Variants in LTBP1 observed in about 807,000 individuals in gnomAD.
LTBP1 encodes latent-transforming growth factor beta-binding protein 1.
LTBP1 carries 129 observed loss-of-function variants against 207.6 expected under a neutral mutation model. The observed-to-expected ratio is 0.62, with a 90% CI of 0.54 to 0.72. The LOEUF (loss-of-function observed/expected upper bound fraction) is 0.72, where lower values mean the gene tolerates loss of function less well. Among genes scored for constraint, LTBP1 ranks in the 30% least tolerant of loss-of-function variants. The probability of loss-of-function intolerance (pLI) is 0.00; values close to 1 mark genes in which losing one functional copy is unlikely to be tolerated. For synonymous variants in LTBP1, 963 were observed against 833.7 expected (o/e 1.16, Z -2.67); for missense variants, 2,281 against 2,217.2 (o/e 1.03, Z -0.58).
chr2:33,189,018 A>G (rs2087532519), intron 7 of LTBP1, among the ~76,000 whole-genome samples, 167 bp downstream of exon 7: 1 of 152,192 alleles, frequency 6.6e-6, no homozygotes, highest in Non-Finnish European at 1.5e-5. Flanking sequence ...ACTCATAGCC[A>G]CACTTATTCA....
chr2:33,166,328 A>G (rs2084917213), intron 5 of LTBP1, among the ~76,000 whole-genome samples: 2 of 152,206 alleles, frequency 1.3e-5, no homozygotes, highest in Admixed American at 6.5e-5. Flanking sequence ...GAGGAATACT[A>G]GGGAAAAGTT....
At chr2:33,005,622 T>G (rs748605649) in intron 2 of LTBP1, among the ~76,000 whole-genome samples, 7 of 139,824 alleles carry the variant, frequency 5.0e-5, no homozygotes, top group Non-Finnish European at 7.6e-5. Context: ...TTTGAGACAG[T>G]GTGTTTCTGG....
intron 3 of LTBP1, among the ~76,000 whole-genome samples, chr2:33,056,924 G>A (rs1210524800): frequency 1.3e-5 from 2 of 152,072 alleles, no homozygotes; most frequent in Non-Finnish European, 2.9e-5. Flanking sequence ...GAGCCAGTTG[G>A]TCTGTTTTAC....
At chr2:33,279,391 C>T (rs1366411057) in intron 18 of LTBP1, among the ~76,000 whole-genome samples, 1 of 152,004 alleles carries the variant, frequency 6.6e-6, no homozygotes, top group African/African-American at 2.4e-5. Flanking sequence ...TTAATGACTT[C>T]AGTTAGCTAT....
At chr2:33,392,658 G>A (rs1185696575) in intron 32 of LTBP1, among the ~76,000 whole-genome samples, 1 of 152,186 alleles carries the variant, frequency 6.6e-6, no homozygotes, top group East Asian at 1.9e-4. Context: ...GTAGTGTCCT[G>A]ACCTGTTTTA....
In LTBP1 at chr2:33,032,153, T is replaced by C. The variant is rs1158905791; in HGVS notation, c.863+10947T>C. On this transcript the variant is annotated intron_variant, in intron 3 of 33. Coordinates refer to ENST00000404816, the MANE Select transcript of LTBP1 (RefSeq NM_206943.4). Reference sequence around the variant, plus strand: ...TCTACCTATGTTAAATGGAATGATATGTAATCTTATCCTCTTTAGGAACAG... The same window carrying C: ...TCTACCTATGTTAAATGGAATGATACGTAATCTTATCCTCTTTAGGAACAG... Among the ~76,000 whole-genome samples the C allele has an allele frequency of 3.3e-5, 5 of 152,216 alleles. No individual in the cohort carries two copies. In the East Asian group the frequency reaches 9.6e-4, roughly 29 times the overall value.
intron 24 of LTBP1, among the ~76,000 whole-genome samples, chr2:33,341,090 T>A (rs58044479): frequency 0.6 from 90,589 of 151,526 alleles, 28,288 homozygotes; most frequent in African/African-American, 0.78. Context: ...TTTCTCCAAA[T>A]CTTACATTTT....
intron 31 of LTBP1, among the ~76,000 whole-genome samples, chr2:33,388,911 T>C (rs1441474553): frequency 6.6e-6 from 1 of 152,250 alleles, no homozygotes; most frequent in Admixed American, 6.5e-5. Flanking sequence ...GTCAGCCCTT[T>C]ACTGCTCTGG....
intron 32 of LTBP1, among the ~76,000 whole-genome samples, chr2:33,392,108 A>T (rs1384189836): frequency 6.6e-6 from 1 of 152,050 alleles, no homozygotes; most frequent in East Asian, 1.9e-4. Flanking sequence ...CTTTAGGGAG[A>T]GCAGTACTTC....
chr2:33,178,700 C>T (rs2086315545), intron 5 of LTBP1, among the ~76,000 whole-genome samples: 1 of 152,052 alleles, frequency 6.6e-6, no homozygotes, highest in Non-Finnish European at 1.5e-5. Flanking sequence ...GTCCTATTTG[C>T]TTGAATGAAC....
Position 33,021,205 on chromosome 2 carries a change from C to T in LTBP1, c.862C>T (p.Gln288Ter). ...SVGLPQQIHS[Q>*]VTPLSSQSVV... The stretch of plus-strand genomic sequence containing the variant: ...GGGACTCCCCCAGCAGATACATTCT[C>T]AGTGAGTGTTTCGAACTTTCATTTA... The change falls in exon 3 of 34, where the codon CAA becomes TAA. Residue 288 changes from glutamine to a stop codon, truncating the protein, a stop_gained and splice_region_variant. Transcript: ENST00000404816. LOFTEE classifies it high-confidence loss of function. 6.3e-7 allele frequency: 1 copy of T among 1,581,106 alleles called. No homozygotes were observed. Among genetic ancestry groups the T allele is most frequent in the Non-Finnish European group, 8.6e-7 (1 of 1,158,606 alleles).
chr2:32,998,000 T>G (rs1685540749), intron 2 of LTBP1, among the ~76,000 whole-genome samples: 1 of 152,168 alleles, frequency 6.6e-6, no homozygotes, highest in African/African-American at 2.4e-5. Flanking sequence ...CTGTTTCCAG[T>G]AAAGTTTGTT....
intron 25 of LTBP1, among the ~76,000 whole-genome samples, chr2:33,345,192 T>C (rs1252204139): frequency 2.0e-5 from 3 of 152,244 alleles, no homozygotes; most frequent in Non-Finnish European, 4.4e-5. Context: ...TCCAGTATCA[T>C]TTCTCTAACC....
chr2:32,972,189 C>G (rs951296442), intron 2 of LTBP1, among the ~76,000 whole-genome samples: 3 of 144,460 alleles, frequency 2.1e-5, no homozygotes, highest in African/African-American at 5.1e-5. Context: ...TGGATCTTCT[C>G]TTTTTTTTTC....
intron 5 of LTBP1, among the ~76,000 whole-genome samples, chr2:33,163,414 C>A (rs1241495269): frequency 6.6e-6 from 1 of 152,138 alleles, no homozygotes; most frequent in Non-Finnish European, 1.5e-5. Context: ...GAGACTGTGA[C>A]TAAGGTGGCA....
intron 12 of LTBP1, among the ~76,000 whole-genome samples, chr2:33,258,432 C>T (rs866361618): frequency 6.6e-6 from 1 of 152,158 alleles, no homozygotes; most frequent in Admixed American, 6.5e-5. Context: ...TTTGCCATAG[C>T]CGCCTTCTTG....
At chr2:32,969,183 C>T (rs1462912246) in intron 2 of LTBP1, among the ~76,000 whole-genome samples, 1 of 150,992 alleles carries the variant, frequency 6.6e-6, no homozygotes, top group African/African-American at 2.4e-5. Flanking sequence ...GCATCGGCCT[C>T]CCAAAGTGCT....
intron 3 of LTBP1, among the ~76,000 whole-genome samples, chr2:33,072,189 A>T (rs1362468478): frequency 6.6e-6 from 1 of 152,192 alleles, no homozygotes; most frequent in Admixed American, 6.5e-5. Flanking sequence ...CCAGTTTATT[A>T]TAAAGGATAT....
At chr2:33,365,299 T>TGC (rs750876279) in intron 30 of LTBP1, 34 bp from the exon 31 acceptor site, 1 of 1,596,324 alleles carries the variant, frequency 6.3e-7, no homozygotes, top group Non-Finnish European at 8.6e-7. Context: ...GGAATAACTG[T>TGC]GCGATTTTCA....
Sources: gnomAD v4.1 joint callset for allele counts (sites outside exome capture counted in the v4.1 genomes callset) on GRCh38, gnomAD v4.1.1 for gene constraint, MANE v1.5 for transcripts, NCBI Gene and HGNC (gene_info 2026-07-23, HGNC 2026-07-21) for gene names.